The following SEPTIN10 variants were observed in gnomAD, a reference collection of about 807,000 sequenced individuals.
SEPTIN10 encodes the protein septin-10.
Under a neutral mutation model 54.8 loss-of-function variants are expected in SEPTIN10, and 66 were observed. That is an observed-to-expected ratio of 1.21 (90% CI 0.99 to 1.48). The LOEUF (loss-of-function observed/expected upper bound fraction) is 1.48. SEPTIN10 is among the 40% of genes most tolerant of loss of function. SEPTIN10 has a pLI of 0.00. For synonymous variants in SEPTIN10, 161 were observed against 181.0 expected (o/e 0.89, Z 0.89); for missense variants, 620 against 545.6 (o/e 1.14, Z -1.36).
Position 109,565,789 on chromosome 2 carries a change from C to T in SEPTIN10, c.833G>A (p.Arg278His), listed in dbSNP as rs377202328. ...TTGTACAACACCCCAAGGGTACTGG[C>T]GAGCTTTGACCATCTTGTTTCCGAC... ...VKVGNKMVKARQYPWGVVQVE... is the reference protein window; with the variant it reads ...VKVGNKMVKAHQYPWGVVQVE... The change falls in exon 7 of 11, where the codon CGC (arginine) becomes CAC (histidine). Residue 278 changes from arginine to histidine, a missense_variant. Physicochemically the swap from Arg to His is conservative, Grantham distance 29. Transcript: ENST00000397712. 34 of 1,613,906 alleles carry T rather than the reference C, an allele frequency of 2.1e-5. No individual in the cohort carries two copies. Among genetic ancestry groups the T allele is most frequent in the South Asian group, 8.8e-5 (8 of 91,072 alleles).
intron 2 of SEPTIN10, among the ~76,000 whole-genome samples, chr2:109,589,879 A>C (rs1468298970): frequency 2.0e-5 from 3 of 152,132 alleles, no homozygotes; most frequent in Non-Finnish European, 4.4e-5. Context: ...TGAATAGATA[A>C]ACAAACTGTA....
intron 1 of SEPTIN10, among the ~76,000 whole-genome samples, chr2:109,599,088 A>T (rs998632303): frequency 6.6e-6 from 1 of 152,166 alleles, no homozygotes; most frequent in Non-Finnish European, 1.5e-5. Context: ...TAAAACAAGT[A>T]GTAACATTCA....
chr2:109,558,072 G>A (rs1159479817), intron 8 of SEPTIN10, among the ~76,000 whole-genome samples: 3 of 152,070 alleles, frequency 2.0e-5, no homozygotes, highest in East Asian at 1.9e-4. Context: ...GATTACAGGC[G>A]TGAACGACTG....
In SEPTIN10 at chr2:109,608,421, C is replaced by T. The variant is rs115165558; in HGVS notation, c.30+5377G>A. On this transcript the variant is annotated intron_variant, in intron 1 of 10. Transcript: ENST00000397712. ...CCATAAATACAGACCACACAGAGGG[C>T]AGGATAAACTTGATCTGATTCTTAA... Among the ~76,000 whole-genome samples, 458 of 152,278 alleles carry T rather than the reference C, an allele frequency of 3.0e-3. 2 individuals carry two copies. Among genetic ancestry groups the T allele is most frequent in the Non-Finnish European group, 5.5e-3 (372 of 68,014 alleles).
At chr2:109,589,012 T>C (rs1449154739) in intron 2 of SEPTIN10, among the ~76,000 whole-genome samples, 1 of 151,670 alleles carries the variant, frequency 6.6e-6, no homozygotes, top group Non-Finnish European at 1.5e-5. Context: ...AAATGTAAAA[T>C]GTCCACCTCC....
intron 6 of SEPTIN10, among the ~76,000 whole-genome samples, chr2:109,566,202 C>G (rs1383080807): frequency 6.6e-6 from 1 of 152,092 alleles, no homozygotes; most frequent in East Asian, 1.9e-4. Context: ...CTCACTGCAG[C>G]CTCCGCCTCC....
At chr2:109,557,990 G>T (rs1684782288) in intron 8 of SEPTIN10, among the ~76,000 whole-genome samples, 1 of 151,464 alleles carries the variant, frequency 6.6e-6, no homozygotes, top group Admixed American at 6.6e-5. Context: ...ACAGAGTTTT[G>T]CCATGTTACC....
chr2:109,607,538 C>T (rs186439521), intron 1 of SEPTIN10, among the ~76,000 whole-genome samples: 31 of 152,230 alleles, frequency 2.0e-4, no homozygotes, highest in Admixed American at 1.5e-3. Context: ...TCAACCTTAT[C>T]TGAAAAATGT....
chr2:109,553,327 C>T, intron 8 of SEPTIN10, 108 bp from the exon 9 acceptor site: 1 of 1,140,096 alleles, frequency 8.8e-7, no homozygotes, highest in Non-Finnish European at 1.2e-6. Context: ...GGTGGATCAC[C>T]TAAGGTCAGG....
chr2:109,562,184 G>C (rs1685808368), intron 8 of SEPTIN10, among the ~76,000 whole-genome samples: 1 of 151,956 alleles, frequency 6.6e-6, no homozygotes, highest in East Asian at 1.9e-4. Context: ...CTGAACTCCA[G>C]CCTGGGCAAC....
intron 4 of SEPTIN10, 99 bp from the exon 5 acceptor site, chr2:109,574,866 A>ACTGTTTATTAAT: frequency 1.3e-6 from 1 of 764,332 alleles, no homozygotes; most frequent in Non-Finnish European, 1.9e-6. Flanking sequence ...TCACTAATTA[A>ACTGTTTATTAAT]TAAACAGTTA....
At chr2:109,591,227 AGTT>A (rs1694002662) in intron 2 of SEPTIN10, among the ~76,000 whole-genome samples, 1 of 152,202 alleles carries the variant, frequency 6.6e-6, no homozygotes. Context: ...AACTTGTTAA[AGTT>A]GTTATCTGAT....
intron 10 of SEPTIN10, chr2:109,545,449 G>C (rs556257012): frequency 1.3e-6 from 2 of 1,536,022 alleles, no homozygotes; most frequent in African/African-American, 2.7e-5. Context: ...TTGCACTGTG[G>C]CCCTCTCTAC....
intron 4 of SEPTIN10, among the ~76,000 whole-genome samples, chr2:109,577,665 C>T (rs1690017774): frequency 1.3e-5 from 2 of 151,278 alleles, no homozygotes; most frequent in African/African-American, 2.4e-5. Context: ...GCAATCCCAG[C>T]ACTTTGGGAG....
intron 4 of SEPTIN10, among the ~76,000 whole-genome samples, chr2:109,583,668 CA>C (rs1471471860): frequency 1.3e-5 from 2 of 152,052 alleles, no homozygotes; most frequent in Non-Finnish European, 2.9e-5. Flanking sequence ...CTCATTCTAC[CA>C]AAAAGACACA....
Position 109,580,891 on chromosome 2 carries a change from G to C in SEPTIN10, c.413+4235C>G, listed in dbSNP as rs1488627874. On this transcript the variant is annotated intron_variant, in intron 4 of 10. Transcript: ENST00000397712. ...ACAGCACAGCGCCTGGCCATTCACT[G>C]AGTTGAGGAAACCCAGACAGGAGTT... Among the ~76,000 whole-genome samples, 8 of 152,174 alleles carry C rather than the reference G, an allele frequency of 5.3e-5. No homozygotes were observed. The East Asian group carries it at 1.5e-3, about 29-fold the overall frequency.
chr2:109,553,176 C>A lies in SEPTIN10; in HGVS notation c.1072G>T (p.Glu358Ter). 6.2e-7 allele frequency: 1 copy of A among 1,614,152 alleles called. No individual in the cohort carries two copies. Among genetic ancestry groups the A allele is most frequent in the South Asian group, 1.1e-5 (1 of 91,090 alleles). The change falls in exon 9 of 11, where the codon GAA becomes TAA. Residue 358 changes from glutamate to a stop codon, truncating the protein, a stop_gained. Transcript: ENST00000397712. LOFTEE classifies it high-confidence loss of function. ...ATTTCTTCTTCCTTCCTCTGACGTT[C>A]ACCATGGAACTCATGTCTTTTGGCT... The part of the protein sequence containing the change: ...YEAKRHEFHG[E>*]RQRKEEEMKQ...
At chr2:109,574,882 T>C (rs1233690100) in intron 4 of SEPTIN10, 115 bp from the exon 5 acceptor site, 10 of 596,208 alleles carry the variant, frequency 1.7e-5, no homozygotes, top group Non-Finnish European at 2.5e-5. Flanking sequence ...AGTTAATATC[T>C]ATGCTGAACA....
rs1681112707 is a variant in SEPTIN10 at position 109,545,969 on chromosome 2, G to GT, written c.1349+80dup. The GT allele has an allele frequency of 2.0e-6, 3 of 1,493,680 alleles. No homozygotes were observed. The Admixed American group carries it at 7.1e-5, about 35-fold the overall frequency. 92.5% of individuals were successfully genotyped at this position (1,493,680 alleles called of 1,614,324 possible). A position where few individuals can be genotyped will look rare whatever the true frequency, so the allele number is the denominator to read the frequency against. On this transcript the variant is annotated intron_variant, in intron 10 of 10. Transcript: ENST00000397712. ...GAAGACAAAGCATAAGGAAGCAGAA[G>GT]TAAGAAGCGCTAGGAAGATCCGACA...
Sources: allele counts gnomAD v4.1 joint callset (sites outside exome capture counted in the v4.1 genomes callset), GRCh38; gene constraint gnomAD v4.1.1; transcripts MANE v1.5; gene names NCBI Gene and HGNC (gene_info 2026-07-23, HGNC 2026-07-21).